The following PDZRN4 variants were observed in gnomAD, a reference collection of about 807,000 sequenced individuals.
PDZRN4 encodes PDZ domain-containing RING finger protein 4.
A neutral mutation model predicts 99.0 loss-of-function variants in PDZRN4; 70 were observed. That is an observed-to-expected ratio of 0.71 (90% confidence interval 0.58 to 0.86). The LOEUF (loss-of-function observed/expected upper bound fraction) is 0.86. Among genes scored for constraint, PDZRN4 ranks in the 40% least tolerant of loss-of-function variants. The probability of loss-of-function intolerance (pLI) is 0.00; values close to 1 mark genes in which losing one functional copy is unlikely to be tolerated. For synonymous variants in PDZRN4, 551 were observed against 501.6 expected, an observed-to-expected ratio of 1.10 and a Z score of -1.32; for missense variants, 1,474 against 1,331.2, an observed-to-expected ratio of 1.11 and a Z score of -1.67.
At chr12:41,567,246 A>C (rs769752865) in intron 8 of PDZRN4, among the ~76,000 whole-genome samples, 1 of 152,168 alleles carries the variant, frequency 6.6e-6, no homozygotes, top group African/African-American at 2.4e-5. Context: ...TTCACAGACA[A>C]AATAAATGTC....
At position 41,487,558 on chromosome 12, in the gene PDZRN4, G is replaced by C. The variant is rs1430960769; in HGVS notation, c.844-18898G>C. Among the ~76,000 whole-genome samples, 7 of 152,148 alleles carry C rather than the reference G, an allele frequency of 4.6e-5. No homozygotes were observed. In the East Asian group the frequency reaches 7.7e-4, roughly 17 times the overall value. On this transcript the variant is annotated intron_variant, in intron 3 of 9. Transcript: ENST00000402685. ...TGTGTATTAAAAAGTGTTCAATATT[G>C]AGAACTCTAAAAATATGTTGGCTTC...
chr12:41,543,811 G>C (rs1487666314), intron 5 of PDZRN4, among the ~76,000 whole-genome samples: 5 of 152,050 alleles, frequency 3.3e-5, no homozygotes, highest in African/African-American at 1.2e-4. Context: ...ATTTTGATGG[G>C]CTTGAACTAA....
intron 3 of PDZRN4, among the ~76,000 whole-genome samples, chr12:41,414,033 G>T (rs985459029): frequency 1.3e-5 from 2 of 151,968 alleles, no homozygotes; most frequent in African/African-American, 4.8e-5. Context: ...CTTAATGATT[G>T]CTTGTCTGAA....
At chr12:41,384,109 T>G (rs1323324990) in intron 3 of PDZRN4, among the ~76,000 whole-genome samples, 3 of 151,330 alleles carry the variant, frequency 2.0e-5, no homozygotes, top group Non-Finnish European at 2.9e-5. Context: ...TTCAAGCGAT[T>G]CTATAGAGAC....
chr12:41,449,197 GTT>G (rs1340761472), intron 3 of PDZRN4, among the ~76,000 whole-genome samples: 1 of 152,066 alleles, frequency 6.6e-6, no homozygotes, highest in African/African-American at 2.4e-5. Context: ...TTCAGACATT[GTT>G]TTTTTCCAGG....
chr12:41,437,940 T>C, intron 3 of PDZRN4: 1 of 1,614,006 alleles, frequency 6.2e-7, no homozygotes, highest in Non-Finnish European at 8.5e-7. Flanking sequence ...TCTCTGCTTC[T>C]TAGAATGGGC....
At chr12:41,502,589 G>T (rs1342701148) in intron 3 of PDZRN4, among the ~76,000 whole-genome samples, 1 of 151,952 alleles carries the variant, frequency 6.6e-6, no homozygotes, top group African/African-American at 2.4e-5. Context: ...TCTAGCAAAA[G>T]ATCTTCCCAC....
intron 3 of PDZRN4, 149 bp downstream of exon 3, chr12:41,194,337 CA>C: frequency 8.1e-6 from 5 of 615,740 alleles, no homozygotes; most frequent in Non-Finnish European, 1.1e-5. Context: ...TACTTTCTTA[CA>C]AAAAATGTAA....
chr12:41,573,319 C>T lies in PDZRN4; in HGVS notation c.2540C>T (p.Ala847Val). The change falls in exon 10 of 10, where the codon GCC (alanine) becomes GTC (valine). Residue 847 changes from alanine (A) to valine (V), a missense_variant. Coordinates refer to ENST00000402685, the MANE Select transcript of PDZRN4 (RefSeq NM_001164595.2). ...SYRYANIPAH[A>V]RHYQSYMQLI... ...AGATATGCAAACATCCCAGCACACG[C>T]CCGGCATTATCAAAGCTACATGCAG... 3 of 1,613,342 alleles carry T rather than the reference C, an allele frequency of 1.9e-6. No homozygotes were observed. Among genetic ancestry groups the T allele is most frequent in the Non-Finnish European group, 2.5e-6 (3 of 1,180,006 alleles).
In PDZRN4 at chr12:41,394,965, C is replaced by A. The variant is rs972098027; in HGVS notation, c.844-111491C>A. ...TGTCCATACTACAAGCAAGAAAAGG[C>A]AAATTAAGCTCTACCTCTTGAAGGA... On this transcript the variant is annotated intron_variant, in intron 3 of 9. Coordinates refer to ENST00000402685, the MANE Select transcript of PDZRN4 (RefSeq NM_001164595.2). Among the ~76,000 whole-genome samples the A allele has an allele frequency of 4.6e-5, 7 of 152,070 alleles. No homozygotes were observed. In the East Asian group the frequency reaches 7.7e-4, roughly 17 times the overall value.
chr12:41,402,063 G>A (rs1952292563), intron 3 of PDZRN4, among the ~76,000 whole-genome samples: 1 of 121,180 alleles, frequency 8.3e-6, no homozygotes, highest in Admixed American at 9.1e-5. Context: ...TCCCACCCCT[G>A]GAGCAGGAAA....
Position 41,482,232 on chromosome 12 carries a change from G to A in PDZRN4, c.844-24224G>A, listed in dbSNP as rs571297811. On this transcript the variant is annotated intron_variant, in intron 3 of 9. Coordinates refer to ENST00000402685, the MANE Select transcript of PDZRN4 (RefSeq NM_001164595.2). The stretch of plus-strand genomic sequence containing the variant: ...CCTAAGGTGGAAAGAAAGAGAAGGT[G>A]TTTTCCTTGTCATCTCTCTCTGATA... Among the ~76,000 whole-genome samples the A allele has an allele frequency of 2.6e-5, 4 of 152,220 alleles. No individual in the cohort carries two copies. The South Asian group carries it at 8.3e-4, about 32-fold the overall frequency.
At chr12:41,491,859 T>C (rs1233876777) in intron 3 of PDZRN4, among the ~76,000 whole-genome samples, 4 of 152,218 alleles carry the variant, frequency 2.6e-5, no homozygotes, top group Non-Finnish European at 5.9e-5. Context: ...AATTTTTGCC[T>C]CTGTGTTTTA....
chr12:41,346,035 T>C (rs1219544106), intron 3 of PDZRN4, among the ~76,000 whole-genome samples: 1 of 152,176 alleles, frequency 6.6e-6, no homozygotes, highest in East Asian at 1.9e-4. Context: ...TCTCATTTAA[T>C]CTTGAAATGA....
At chr12:41,527,862 G>A (rs565415092) in intron 5 of PDZRN4, among the ~76,000 whole-genome samples, 56 of 152,246 alleles carry the variant, frequency 3.7e-4, no homozygotes, top group African/African-American at 1.2e-3. Context: ...CTCACTCTGA[G>A]GTTTTTCTAT....
At chr12:41,254,992 A>G (rs74475165) in intron 3 of PDZRN4, among the ~76,000 whole-genome samples, 3,086 of 152,268 alleles carry the variant, frequency 0.02, 77 homozygotes, top group African/African-American at 0.057. Flanking sequence ...AAGTGGGAGG[A>G]TTGCTTGAGC....
In PDZRN4 at chr12:41,315,346, A is replaced by AT. The variant is rs543163808; in HGVS notation, c.843+121165dup. Among the ~76,000 whole-genome samples, 270 of 152,126 alleles carry AT rather than the reference A, an allele frequency of 1.8e-3. 2 individuals are homozygous for AT. The highest frequency in any genetic ancestry group is 6.2e-3 in the African/African-American group (256 of 41,536). ...TAGTGAAAAAGTCAACTGACATTTG[A>AT]TTTTTTTCCCACTCTTGTTTATTAT... On this transcript the variant is annotated intron_variant, in intron 3 of 9. Coordinates refer to ENST00000402685, the MANE Select transcript of PDZRN4 (RefSeq NM_001164595.2).
chr12:41,297,929 T>C (rs898627909), intron 3 of PDZRN4, among the ~76,000 whole-genome samples: 1 of 152,204 alleles, frequency 6.6e-6, no homozygotes, highest in African/African-American at 2.4e-5. Flanking sequence ...AAACAATTTC[T>C]AAGCAACCTA....
rs777742291 is a variant in PDZRN4, at chr12:41,188,497, G to A, written c.42G>A (p.Pro14=). 8 of 1,590,872 alleles carry A rather than the reference G, an allele frequency of 5.0e-6. No homozygotes were observed. Among genetic ancestry groups the A allele is most frequent in the Non-Finnish European group, 2.5e-6 (3 of 1,176,506 alleles). ...ALERFAEAVD[P]ALECKLCGQV... ...AGCGCTTCGCAGAAGCCGTGGACCC[G>A]GCTCTGGAGTGCAAACTGTGCGGCC... The change falls in exon 1 of 10, where the codon CCG becomes CCA. Residue 14 remains proline, a synonymous_variant. Transcript: ENST00000402685.
Sources: allele counts gnomAD v4.1 joint callset (sites outside exome capture counted in the v4.1 genomes callset), GRCh38; gene constraint gnomAD v4.1.1; transcripts MANE v1.5; gene names NCBI Gene and HGNC (gene_info 2026-07-23, HGNC 2026-07-21).